CCDC138: variants seen among roughly 807,000 people sequenced by gnomAD.
CCDC138 encodes coiled-coil domain containing 138.
Under a neutral mutation model 82.3 loss-of-function variants are expected in CCDC138, and 66 were observed. The ratio of observed to expected loss-of-function variants is 0.80; its 90% CI spans 0.66 to 0.98. The LOEUF is 0.98. CCDC138 is among the 50% of genes least tolerant of loss of function. CCDC138 has a pLI of 0.00. For synonymous variants in CCDC138, 297 were observed against 265.4 expected, an observed-to-expected ratio of 1.12 and a Z score of -1.16; for missense variants, 816 against 758.9, an observed-to-expected ratio of 1.08 and a Z score of -0.88.
chr2:108,811,755 C>G (rs1024588632), intron 7 of CCDC138, among the ~76,000 whole-genome samples: 1 of 152,018 alleles, frequency 6.6e-6, no homozygotes, highest in African/African-American at 2.4e-5. Flanking sequence ...ATTTTCAACC[C>G]CTACCCCTCT....
At chr2:108,795,048 T>A (rs1558970678) in intron 5 of CCDC138, among the ~76,000 whole-genome samples, 1 of 81,900 alleles carries the variant, frequency 1.2e-5, no homozygotes. Flanking sequence ...TTTATTGTTT[T>A]AAGTACTTAT....
At chr2:108,856,772 A>AT in intron 12 of CCDC138, 22 bp from the exon 13 acceptor site, 1 of 1,601,356 alleles carries the variant, frequency 6.2e-7, no homozygotes, top group African/African-American at 1.4e-5. Flanking sequence ...ACTGCAGTTG[A>AT]TTGTACATAA....
At chr2:108,820,290 G>GA (rs1047740169) in intron 10 of CCDC138, among the ~76,000 whole-genome samples, 2 of 151,996 alleles carry the variant, frequency 1.3e-5, no homozygotes, top group Non-Finnish European at 1.5e-5. Context: ...GGAGCAAAGA[G>GA]AAAAAAACGA....
intron 2 of CCDC138, chr2:108,884,655 A>G (rs986188101): frequency 1.3e-5 from 2 of 152,208 alleles, no homozygotes; most frequent in African/African-American, 4.8e-5. Flanking sequence ...TTGGCCAAGG[A>G]GCAAATGACA....
chr2:108,860,574 G>A (rs1693399073), intron 13 of CCDC138, among the ~76,000 whole-genome samples: 1 of 151,390 alleles, frequency 6.6e-6, no homozygotes. Flanking sequence ...CTGCATCTAG[G>A]GGTTTTTGTT....
At chr2:108,873,678 G>A in intron 14 of CCDC138, 89 bp downstream of exon 14, 2 of 822,630 alleles carry the variant, frequency 2.4e-6, no homozygotes, top group Non-Finnish European at 3.7e-6. Context: ...TGGCTTCCCT[G>A]GGCCACACTG....
At chr2:108,831,563 CTG>C (rs1340983963) in intron 10 of CCDC138, among the ~76,000 whole-genome samples, 2 of 152,118 alleles carry the variant, frequency 1.3e-5, no homozygotes, top group Non-Finnish European at 1.5e-5. Context: ...TGTGAAGAAA[CTG>C]AAAGTCAGAT....
At chr2:108,852,700 A>T (rs1691712155) in intron 12 of CCDC138, among the ~76,000 whole-genome samples, 3 of 152,184 alleles carry the variant, frequency 2.0e-5, no homozygotes, top group Admixed American at 1.3e-4. Context: ...GAGCTAAATG[A>T]TGAGAACACA....
chr2:108,859,013 A>G (rs767977502), intron 13 of CCDC138, among the ~76,000 whole-genome samples: 1 of 152,174 alleles, frequency 6.6e-6, no homozygotes, highest in Admixed American at 6.5e-5. Flanking sequence ...TGGTAGAACA[A>G]TTTCATTTCC....
At chr2:108,845,466 A>G (rs1690278179) in intron 11 of CCDC138, among the ~76,000 whole-genome samples, 1 of 152,174 alleles carries the variant, frequency 6.6e-6, no homozygotes, top group Non-Finnish European at 1.5e-5. Flanking sequence ...ACTCAGTCAC[A>G]TGAGATTGGA....
intron 1 of CCDC138, among the ~76,000 whole-genome samples, chr2:108,787,707 G>C (rs1033406496): frequency 4.6e-5 from 7 of 151,978 alleles, no homozygotes; most frequent in African/African-American, 1.7e-4. Flanking sequence ...TTTTCTGTAA[G>C]GTTGTTTTTT....
intron 9 of CCDC138, among the ~76,000 whole-genome samples, chr2:108,813,181 G>A (rs958465169): frequency 2.7e-5 from 4 of 147,440 alleles, no homozygotes; most frequent in African/African-American, 5.1e-5. Flanking sequence ...CCTGGGAGGC[G>A]GAGGTTGCAG....
chr2:108,815,641 T>C (rs1684655757), intron 9 of CCDC138, among the ~76,000 whole-genome samples: 1 of 151,852 alleles, frequency 6.6e-6, no homozygotes, highest in Admixed American at 6.6e-5. Flanking sequence ...AATTTTATTT[T>C]TAGTAAAGAC....
intron 10 of CCDC138, among the ~76,000 whole-genome samples, chr2:108,833,553 T>C (rs995314590): frequency 1.3e-5 from 2 of 152,212 alleles, no homozygotes; most frequent in African/African-American, 4.8e-5. Flanking sequence ...GGAATGTTTA[T>C]AGTCCATGAC....
intron 10 of CCDC138, among the ~76,000 whole-genome samples, chr2:108,833,894 ATTTTTTTTTTT>A (rs749488565): frequency 5.0e-5 from 4 of 79,220 alleles, no homozygotes; most frequent in African/African-American, 1.0e-4. Flanking sequence ...CGCCCGGCTA[ATTTTTTTTTTT>A]TTTTTTTTTT....
chr2:108,838,362 T>C (rs980475158), intron 10 of CCDC138, among the ~76,000 whole-genome samples: 4 of 152,172 alleles, frequency 2.6e-5, no homozygotes, highest in African/African-American at 9.7e-5. Flanking sequence ...CACAATACAC[T>C]CATAATCATT....
At chr2:108,866,050 G>A (rs1014067213) in intron 13 of CCDC138, among the ~76,000 whole-genome samples, 1 of 152,162 alleles carries the variant, frequency 6.6e-6, no homozygotes, top group African/African-American at 2.4e-5. Flanking sequence ...TATGGTAGTA[G>A]GGTATCTGAA....
At chr2:108,833,894 ATTTTTTT>A (rs749488565) in intron 10 of CCDC138, among the ~76,000 whole-genome samples, 2,170 of 79,272 alleles carry the variant, frequency 0.027, 75 homozygotes, top group African/African-American at 0.1. Context: ...CGCCCGGCTA[ATTTTTTT>A]TTTTTTTTTT....
chr2:108,796,505 C>T (rs900467940), intron 5 of CCDC138, among the ~76,000 whole-genome samples: 5 of 152,130 alleles, frequency 3.3e-5, no homozygotes, highest in Non-Finnish European at 7.3e-5. Flanking sequence ...AAGAAAACGG[C>T]GTATCGAAGA....
Sources: allele counts gnomAD v4.1 joint callset (sites outside exome capture counted in the v4.1 genomes callset), GRCh38; gene constraint gnomAD v4.1.1; transcripts MANE v1.5; gene names NCBI Gene and HGNC (gene_info 2026-07-23, HGNC 2026-07-21).